PBX1: variants seen among roughly 807,000 people sequenced by gnomAD.
The protein encoded by PBX1 is pre-B-cell leukemia transcription factor 1.
A neutral mutation model predicts 53.4 loss-of-function variants in PBX1; 6 were observed. The ratio of observed to expected loss-of-function variants is 0.11; its 90% confidence interval spans 0.06 to 0.22. PBX1 has a LOEUF of 0.22. Ranked by LOEUF, PBX1 falls within the 10% of genes least tolerant of loss-of-function variation. The pLI, the probability that PBX1 is intolerant of heterozygous loss-of-function variation, is 1.00. For synonymous variants in PBX1, 204 were observed against 212.3 expected, an observed-to-expected ratio of 0.96 and a Z score of 0.34; for missense variants, 251 against 551.4, an observed-to-expected ratio of 0.46 and a Z score of 5.46.
rs1671714581 is a variant in PBX1 at position 164,849,297 on chromosome 1, A to G, written c.*2621A>G. 2 of 1,534,410 alleles carry G rather than the reference A, an allele frequency of 1.3e-6. No individual in the cohort carries two copies. Among genetic ancestry groups the G allele is most frequent in the African/African-American group, 2.7e-5 (2 of 72,958 alleles). On this transcript the variant is annotated 3_prime_UTR_variant, in exon 9 of 9. Transcript: ENST00000420696. ...TTCACTGATGATCACCTTTCACAGC[A>G]TTTTCCCCAACCAGCATTTCACTTA...
intron 2 of PBX1, among the ~76,000 whole-genome samples, chr1:164,576,210 T>C (rs1451823879): frequency 3.3e-5 from 5 of 152,174 alleles, no homozygotes; most frequent in African/African-American, 1.2e-4. Flanking sequence ...GAAAGGATAA[T>C]GATGATGCTG....
intron 8 of PBX1, among the ~76,000 whole-genome samples, chr1:164,822,802 A>G (rs1670225930): frequency 6.6e-6 from 1 of 152,210 alleles, no homozygotes; most frequent in Non-Finnish European, 1.5e-5. Flanking sequence ...TAGGACTACT[A>G]AGTAGTGGAT....
At chr1:164,880,243 C>G (rs1188995366) in intron 2 of PBX1, among the ~76,000 whole-genome samples, 1 of 152,170 alleles carries the variant, frequency 6.6e-6, no homozygotes, top group Non-Finnish European at 1.5e-5. Flanking sequence ...ATATTTGATG[C>G]TAGGGACACA....
intron 1 of PBX1, chr1:164,560,573 A>C: frequency 5.8e-6 from 1 of 173,320 alleles, no homozygotes; most frequent in Non-Finnish European, 1.2e-5. Flanking sequence ...CCAAAATACA[A>C]AACAACAAAA....
At chr1:164,751,580 C>CTT (rs776504167) in intron 2 of PBX1, among the ~76,000 whole-genome samples, 9,998 of 141,726 alleles carry the variant, frequency 0.071, 703 homozygotes, top group East Asian at 0.14. Flanking sequence ...TTATTGCCCC[C>CTT]CTTTTTTTTT....
intron 2 of PBX1, among the ~76,000 whole-genome samples, chr1:164,596,377 C>G (rs1230050568): frequency 6.6e-6 from 1 of 152,222 alleles, no homozygotes; most frequent in East Asian, 1.9e-4. Flanking sequence ...AAACACCTTA[C>G]TCATTAACTT....
At chr1:164,879,915 C>A (rs1338177233) in intron 2 of PBX1, among the ~76,000 whole-genome samples, 2 of 152,114 alleles carry the variant, frequency 1.3e-5, no homozygotes, top group Non-Finnish European at 2.9e-5. Context: ...GGGGGTGCTC[C>A]TTTACCTTAG....
chr1:164,723,926 G>A (rs1664540736), intron 2 of PBX1, among the ~76,000 whole-genome samples: 1 of 152,172 alleles, frequency 6.6e-6, no homozygotes, highest in African/African-American at 2.4e-5. Context: ...GCTGAAGTGT[G>A]GGGAGTGTTT....
chr1:164,640,326 G>A (rs1659041752), intron 2 of PBX1, among the ~76,000 whole-genome samples: 1 of 152,132 alleles, frequency 6.6e-6, no homozygotes, highest in Non-Finnish European at 1.5e-5. Context: ...CCTGCTAAGA[G>A]CTCTTGTTCC....
rs139186311 is a variant in PBX1, at chr1:164,859,352, C to T, written n.257+27869C>T. ...TATGGACTGGGAGCTCAAGCAGGGC[C>T]CTCTGCATTTGGTTTCAGAGAACAA... On this transcript the variant is annotated intron_variant and non_coding_transcript_variant, in intron 2 of 2. Transcript: ENST00000558796. 5.0e-3 allele frequency among the ~76,000 whole-genome samples: 768 copies of T among 152,244 alleles called. 8 individuals carry two copies. The highest frequency in any genetic ancestry group is 0.018 in the African/African-American group (735 of 41,536).
chr1:164,707,394 G>GGTGTGTGT lies in PBX1; in HGVS notation c.266-85082_266-85075dup, dbSNP rs3830328. On this transcript the variant is annotated intron_variant, in intron 2 of 8. Coordinates refer to ENST00000420696, the MANE Select transcript of PBX1 (RefSeq NM_002585.4). ...TGGCTAATGAGACTAACACCACTGA[G>GGTGTGTGT]GTGTGTGTGTGTGTGTGTGTGTGTG... Among the ~76,000 whole-genome samples the GGTGTGTGT allele has an allele frequency of 1.3e-3, 135 of 103,446 alleles. 1 individual carries two copies. Among genetic ancestry groups the GGTGTGTGT allele is most frequent in the East Asian group, 3.8e-3 (13 of 3,424 alleles). The allele number at this position is 103,446 out of a possible 152,430, so 67.9% of individuals were successfully genotyped here. A position where few individuals can be genotyped will look rare whatever the true frequency, so the allele number is the denominator to read the frequency against.
chr1:164,560,114 A>C, intron 1 of PBX1, 101 bp downstream of exon 1: 1 of 870,824 alleles, frequency 1.1e-6, no homozygotes, highest in Non-Finnish European at 1.7e-6. Context: ...GCTTTTTTTG[A>C]AAAATGTTAT....
At chr1:164,583,323 T>A (rs1654746487) in intron 2 of PBX1, among the ~76,000 whole-genome samples, 1 of 151,950 alleles carries the variant, frequency 6.6e-6, no homozygotes, top group South Asian at 2.1e-4. Flanking sequence ...GAGAGTTTTC[T>A]GAGAGGAGAG....
chr1:164,684,198 A>G (rs896057327), intron 2 of PBX1: 1 of 152,164 alleles, frequency 6.6e-6, no homozygotes, highest in Admixed American at 6.5e-5. Flanking sequence ...AGCCTTATGA[A>G]TATCCTTGTG....
chr1:164,679,285 C>T (rs930110105), intron 2 of PBX1, among the ~76,000 whole-genome samples: 2 of 152,134 alleles, frequency 1.3e-5, no homozygotes, highest in African/African-American at 4.8e-5. Flanking sequence ...CCAAATTCTG[C>T]ACTTTTTGTT....
At chr1:164,770,530 A>G (rs1434700045) in intron 2 of PBX1, 5 of 152,132 alleles carry the variant, frequency 3.3e-5, no homozygotes, top group Non-Finnish European at 4.4e-5. Flanking sequence ...GCTGTTCTGT[A>G]TCTATGGGGG....
rs568700244 is a variant in PBX1, at chr1:164,867,972, C to T, written n.258-31216C>T. On this transcript the variant is annotated intron_variant and non_coding_transcript_variant, in intron 2 of 2. Coordinates refer to the PBX1 transcript ENST00000558796. ...CTTTTCATACACTCCTCCTAATACC[C>T]GTCTAAATATCACAGAGCTCCCAGC... Among the ~76,000 whole-genome samples, 5 of 152,306 alleles carry T rather than the reference C, an allele frequency of 3.3e-5. 1 individual carries two copies. The highest frequency in any genetic ancestry group is 4.1e-4 in the South Asian group (2 of 4,820).
chr1:164,842,768 C>T (rs1346399464), intron 8 of PBX1, among the ~76,000 whole-genome samples: 3 of 152,160 alleles, frequency 2.0e-5, no homozygotes, highest in African/African-American at 4.8e-5. Flanking sequence ...ACCTCCCACC[C>T]TGTGACCCCT....
intron 2 of PBX1, among the ~76,000 whole-genome samples, chr1:164,860,298 T>C (rs555293958): frequency 5.6e-4 from 86 of 152,318 alleles, no homozygotes; most frequent in African/African-American, 1.9e-3. Context: ...GCATGATCAC[T>C]TAGATGAGTT....
Sources: allele counts gnomAD v4.1 joint callset (sites outside exome capture counted in the v4.1 genomes callset), GRCh38; gene constraint gnomAD v4.1.1; transcripts MANE v1.5; gene names NCBI Gene and HGNC (gene_info 2026-07-23, HGNC 2026-07-21).